ADAMTS12: variants seen among roughly 807,000 people sequenced by gnomAD.
ADAMTS12 encodes A disintegrin and metalloproteinase with thrombospondin motifs 12.
Under a neutral mutation model 167.8 loss-of-function variants are expected in ADAMTS12, and 118 were observed. That is an observed-to-expected ratio of 0.70 (90% CI 0.61 to 0.82). ADAMTS12 has a LOEUF of 0.82. ADAMTS12 is among the 40% of genes least tolerant of loss of function. The pLI, the probability that ADAMTS12 is intolerant of heterozygous loss-of-function variation, is 0.00. For missense variants in ADAMTS12, 1,916 were observed against 1,998.8 expected, an observed-to-expected ratio of 0.96 and a Z score of 0.79; for synonymous variants, 704 against 716.9, an observed-to-expected ratio of 0.98 and a Z score of 0.29.
Position 33,525,047 on chromosome 5 carries a change from G to C in ADAMTS12, c.*2141C>G, listed in dbSNP as rs532079943. On this transcript the variant is annotated 3_prime_UTR_variant, in exon 24 of 24. Transcript: ENST00000504830. ...GTCATACCCAGGTCTCTGATGACAC[G>C]TATTTGACCCTATGCTAGTACAGTA... 1.3e-5 allele frequency: 2 copies of C among 152,178 alleles called. No homozygotes were observed. The highest frequency in any genetic ancestry group is 2.4e-5 in the African/African-American group (1 of 41,440). 9.4% of individuals were successfully genotyped at this position (152,178 alleles called of 1,614,324 possible).
intron 3 of ADAMTS12, among the ~76,000 whole-genome samples, chr5:33,744,847 C>T (rs547430042): frequency 6.6e-6 from 1 of 152,206 alleles, no homozygotes; most frequent in South Asian, 2.1e-4. Flanking sequence ...GACAGGGTTT[C>T]ACTGTCACCC....
At chr5:33,649,782 T>C in intron 7 of ADAMTS12, 85 bp from the exon 8 acceptor site, 1 of 1,536,942 alleles carries the variant, frequency 6.5e-7, no homozygotes, top group Admixed American at 1.9e-5. Context: ...AAGAGCGTAA[T>C]AACTCACAGA....
At chr5:33,705,904 T>C (rs1025127607) in intron 3 of ADAMTS12, among the ~76,000 whole-genome samples, 6 of 151,960 alleles carry the variant, frequency 3.9e-5, no homozygotes, top group East Asian at 1.9e-4. Flanking sequence ...ATATAACATA[T>C]CTAGAAATAA....
At chr5:33,763,933 T>C (rs928129300) in intron 2 of ADAMTS12, among the ~76,000 whole-genome samples, 2 of 152,168 alleles carry the variant, frequency 1.3e-5, no homozygotes, top group African/African-American at 4.8e-5. Flanking sequence ...AGTCTCAGAC[T>C]TTTCATAGGG....
chr5:33,684,433 A>G (rs76389904), intron 3 of ADAMTS12, among the ~76,000 whole-genome samples: 20,320 of 152,190 alleles, frequency 0.13, 1,741 homozygotes, highest in South Asian at 0.43. Context: ...CTCATGAATG[A>G]CAGAGGTACA....
At chr5:33,560,763 C>A (rs1311453256) in intron 20 of ADAMTS12, among the ~76,000 whole-genome samples, 25 of 112,504 alleles carry the variant, frequency 2.2e-4, no homozygotes, top group African/African-American at 9.0e-4. Context: ...CACACCGGGG[C>A]CTGTTGTGGG....
chr5:33,559,531 A>G (rs1745638249), intron 20 of ADAMTS12, among the ~76,000 whole-genome samples: 2 of 152,252 alleles, frequency 1.3e-5, no homozygotes, highest in South Asian at 2.1e-4. Flanking sequence ...TGGAGACAGC[A>G]CAGCAAAATG....
At chr5:33,656,829 C>T (rs1741079971) in intron 7 of ADAMTS12, among the ~76,000 whole-genome samples, 1 of 152,192 alleles carries the variant, frequency 6.6e-6, no homozygotes, top group African/African-American at 2.4e-5. Flanking sequence ...TTATTATCGA[C>T]ATGCCAACAA....
chr5:33,815,541 G>A (rs1310493909), intron 2 of ADAMTS12, among the ~76,000 whole-genome samples: 1 of 152,172 alleles, frequency 6.6e-6, no homozygotes, highest in Admixed American at 6.5e-5. Flanking sequence ...TTTGAGAAAG[G>A]AATATCTGTT....
At chr5:33,821,541 T>C (rs959737261) in intron 2 of ADAMTS12, among the ~76,000 whole-genome samples, 1 of 152,218 alleles carries the variant, frequency 6.6e-6, no homozygotes, top group African/African-American at 2.4e-5. Flanking sequence ...TTTATTTTGA[T>C]CTGCATTAAG....
intron 5 of ADAMTS12, among the ~76,000 whole-genome samples, chr5:33,663,753 G>T (rs1267015508): frequency 6.6e-6 from 1 of 152,126 alleles, no homozygotes; most frequent in Non-Finnish European, 1.5e-5. Flanking sequence ...CAGACAGGAA[G>T]GCATGTTATC....
intron 20 of ADAMTS12, among the ~76,000 whole-genome samples, chr5:33,558,592 G>A (rs751700578): frequency 1.3e-5 from 2 of 152,230 alleles, no homozygotes; most frequent in Non-Finnish European, 2.9e-5. Flanking sequence ...GGACCCCAGA[G>A]ATGAGCTTGC....
intron 9 of ADAMTS12, among the ~76,000 whole-genome samples, chr5:33,645,098 A>G (rs1740611423): frequency 6.6e-6 from 1 of 151,544 alleles, no homozygotes; most frequent in South Asian, 2.1e-4. Flanking sequence ...GGCCAGTTTC[A>G]CCTTTATTTC....
At chr5:33,634,904 C>A (rs12110020) in intron 12 of ADAMTS12, among the ~76,000 whole-genome samples, 2 of 151,748 alleles carry the variant, frequency 1.3e-5, no homozygotes, top group Admixed American at 6.6e-5. Context: ...CTCTGTCACC[C>A]AGGCTGGAGT....
chr5:33,706,645 C>T (rs534977378), intron 3 of ADAMTS12, among the ~76,000 whole-genome samples: 2 of 152,162 alleles, frequency 1.3e-5, no homozygotes, highest in East Asian at 3.9e-4. Context: ...GCATTTAGCC[C>T]GTTTACATTT....
intron 5 of ADAMTS12, among the ~76,000 whole-genome samples, chr5:33,665,512 A>G (rs898149799): frequency 3.3e-5 from 5 of 152,218 alleles, no homozygotes; most frequent in African/African-American, 1.2e-4. Context: ...TACAATTTTT[A>G]TCAATTAAAA....
chr5:33,859,475 C>T (rs1702349692), intron 2 of ADAMTS12, among the ~76,000 whole-genome samples: 1 of 152,236 alleles, frequency 6.6e-6, no homozygotes, highest in Non-Finnish European at 1.5e-5. Context: ...CCTCTCTAAG[C>T]AGGGCATCTC....
intron 2 of ADAMTS12, among the ~76,000 whole-genome samples, chr5:33,829,573 T>C (rs1367072682): frequency 1.3e-5 from 2 of 152,128 alleles, no homozygotes; most frequent in Non-Finnish European, 2.9e-5. Context: ...AAGAACTGCA[T>C]AGAAGGAGGA....
At chr5:33,869,156 G>T (rs1322978015) in intron 2 of ADAMTS12, among the ~76,000 whole-genome samples, 2 of 152,140 alleles carry the variant, frequency 1.3e-5, no homozygotes, top group Non-Finnish European at 2.9e-5. Flanking sequence ...GGGCACTACT[G>T]CCCTGTGCAA....
Sources: allele counts gnomAD v4.1 joint callset (sites outside exome capture counted in the v4.1 genomes callset), GRCh38; gene constraint gnomAD v4.1.1; transcripts MANE v1.5; gene names NCBI Gene and HGNC (gene_info 2026-07-23, HGNC 2026-07-21).